DLG2: variants seen among roughly 807,000 people sequenced by gnomAD.
DLG2 encodes the protein discs large MAGUK scaffold protein 2.
Under a neutral mutation model 132.5 loss-of-function variants are expected in DLG2, and 45 were observed. The ratio of observed to expected loss-of-function variants is 0.34; its 90% CI spans 0.27 to 0.44. The LOEUF is 0.44. Ranked by LOEUF, DLG2 falls within the 20% of genes least tolerant of loss-of-function variation. The probability of loss-of-function intolerance (pLI) is 1.00; values close to 1 mark genes in which losing one functional copy is unlikely to be tolerated. For synonymous variants in DLG2, 424 were observed against 419.6 expected (o/e 1.01, Z -0.13); for missense variants, 1,045 against 1,196.9 (o/e 0.87, Z 1.87).
At chr11:85,546,405 C>T (rs112549887) in intron 3 of DLG2, among the ~76,000 whole-genome samples, 31,724 of 152,060 alleles carry the variant, frequency 0.21, 3,812 homozygotes, top group African/African-American at 0.31. Context: ...GAGTGTTTTA[C>T]TTCCAATTAT....
intron 19 of DLG2, among the ~76,000 whole-genome samples, chr11:83,559,534 T>G (rs1318759964): frequency 6.6e-6 from 1 of 152,202 alleles, no homozygotes; most frequent in African/African-American, 2.4e-5. Flanking sequence ...GAGACAGATT[T>G]AAGTTATTGG....
chr11:83,710,511 A>G (rs1287138321), intron 18 of DLG2, among the ~76,000 whole-genome samples: 1 of 152,186 alleles, frequency 6.6e-6, no homozygotes, highest in African/African-American at 2.4e-5. Flanking sequence ...GGATAATTTT[A>G]GTATAAGATA....
Position 83,786,746 on chromosome 11 carries a change from G to C in DLG2, c.1769C>G (p.Ala590Gly), listed in dbSNP as rs763656861. 2 of 1,614,170 alleles carry C rather than the reference G, an allele frequency of 1.2e-6. No homozygotes were observed. Among genetic ancestry groups the C allele is most frequent in the South Asian group, 2.2e-5 (2 of 91,086 alleles). ...LRGASHEQAA[A>G]ALKGAGQTVT... is the part of the protein sequence containing the mutation. The stretch of plus-strand genomic sequence containing the variant: ...TGTCTGTCCAGCCCCCTTTAGTGCA[G>C]CAGCTGCCTGCTCGTGGGATGCACC... Residue 590 changes from alanine to glycine, a missense_variant, in exon 18 of 28, where the codon GCT (alanine) becomes GGT (glycine). By Grantham distance (60) the Ala-to-Gly change is moderately conservative. Transcript: ENST00000376104.
At chr11:83,674,012 T>C (rs2077278282) in intron 18 of DLG2, among the ~76,000 whole-genome samples, 1 of 152,246 alleles carries the variant, frequency 6.6e-6, no homozygotes, top group Non-Finnish European at 1.5e-5. Context: ...AACATCTTAA[T>C]ACTTAGTTAC....
intron 6 of DLG2, among the ~76,000 whole-genome samples, chr11:84,719,759 T>C (rs973685301): frequency 3.9e-5 from 6 of 152,146 alleles, no homozygotes; most frequent in African/African-American, 4.8e-5. Flanking sequence ...TTCAAGTGGA[T>C]TGTATAAAAG....
intron 15 of DLG2, among the ~76,000 whole-genome samples, chr11:83,917,442 GAC>G (rs1179042232): frequency 6.6e-6 from 1 of 151,466 alleles, no homozygotes; most frequent in African/African-American, 2.4e-5. Context: ...ATCTGATATT[GAC>G]ACATGTTTAG....
chr11:83,590,827 G>A (rs1266186003), intron 19 of DLG2, among the ~76,000 whole-genome samples: 2 of 152,086 alleles, frequency 1.3e-5, no homozygotes, highest in African/African-American at 4.8e-5. Context: ...CGATCTCACA[G>A]AAATACAAAC....
At position 84,806,527 on chromosome 11, in the gene DLG2, A is replaced by G. The variant is rs553565682; in HGVS notation, c.358-271796T>C. Among the ~76,000 whole-genome samples the G allele has an allele frequency of 3.3e-5, 5 of 152,342 alleles. No homozygotes were observed. In the East Asian group the frequency reaches 7.7e-4, roughly 24 times the overall value. On this transcript the variant is annotated intron_variant, in intron 6 of 27. Coordinates refer to ENST00000376104, the MANE Select transcript of DLG2 (RefSeq NM_001142699.3). ...ATTTTAGAGGTTATATGGAAGTGAT[A>G]CAATATTTTCGACTGCTGAAAGAAA...
chr11:84,536,860 A>G (rs558488508), intron 6 of DLG2, among the ~76,000 whole-genome samples: 60 of 152,208 alleles, frequency 3.9e-4, no homozygotes, highest in African/African-American at 1.4e-3. Flanking sequence ...AACACTGTCC[A>G]TGTTCAGGAT....
intron 19 of DLG2, among the ~76,000 whole-genome samples, chr11:83,615,892 C>A (rs1269091044): frequency 6.6e-6 from 1 of 152,112 alleles, no homozygotes; most frequent in Non-Finnish European, 1.5e-5. Flanking sequence ...TCTGGTGAGA[C>A]CCATAGTGGA....
intron 16 of DLG2, among the ~76,000 whole-genome samples, chr11:83,844,405 G>A (rs1376441717): frequency 1.3e-5 from 2 of 151,540 alleles, no homozygotes; most frequent in African/African-American, 4.8e-5. Flanking sequence ...AAAATTAGCT[G>A]GGCATGGTGG....
intron 3 of DLG2, among the ~76,000 whole-genome samples, chr11:85,326,203 ATAT>A (rs1447714070): frequency 9.5e-6 from 1 of 105,478 alleles, no homozygotes; most frequent in Non-Finnish European, 1.9e-5. Context: ...ACTCTGCAGG[ATAT>A]TATCCAGGAG....
intron 6 of DLG2, among the ~76,000 whole-genome samples, chr11:84,982,436 T>C (rs889276687): frequency 1.3e-5 from 2 of 152,162 alleles, no homozygotes; most frequent in Non-Finnish European, 2.9e-5. Context: ...TTTTCACATG[T>C]TCTCCTCCTT....
intron 18 of DLG2, among the ~76,000 whole-genome samples, chr11:83,703,197 G>T (rs2083271184): frequency 1.3e-5 from 2 of 152,054 alleles, no homozygotes; most frequent in South Asian, 4.1e-4. Flanking sequence ...GAATATAAAG[G>T]GAATCTCTCT....
intron 6 of DLG2, among the ~76,000 whole-genome samples, chr11:84,573,807 A>G (rs1040088541): frequency 6.6e-6 from 1 of 152,180 alleles, no homozygotes; most frequent in Non-Finnish European, 1.5e-5. Flanking sequence ...GCATTTCTTC[A>G]TAGTAAAAAT....
chr11:84,433,316 G>A (rs992067970), intron 7 of DLG2, among the ~76,000 whole-genome samples: 6 of 152,124 alleles, frequency 3.9e-5, no homozygotes, highest in South Asian at 2.1e-4. Context: ...ATATTACTAC[G>A]TAACCAGAAA....
chr11:83,815,976 G>C (rs2048778857), intron 17 of DLG2, among the ~76,000 whole-genome samples: 1 of 152,118 alleles, frequency 6.6e-6, no homozygotes, highest in Non-Finnish European at 1.5e-5. Context: ...GACCCACTCT[G>C]GCTCCTGAGC....
At position 83,484,162 on chromosome 11, in the gene DLG2, C is replaced by G; in HGVS notation, c.2260G>C (p.Glu754Gln). The G allele has an allele frequency of 6.2e-7, 1 of 1,613,416 alleles. No individual in the cohort carries two copies. Among genetic ancestry groups the G allele is most frequent in the Non-Finnish European group, 8.5e-7 (1 of 1,179,562 alleles). Residue 754 changes from glutamate (E) to glutamine (Q), a missense_variant, in exon 22 of 28, where the codon GAG becomes CAG. Coordinates refer to ENST00000376104, the MANE Select transcript of DLG2 (RefSeq NM_001142699.3). The stretch of plus-strand genomic sequence containing the variant: ...TCACTGGTTTCCTGCTCACTCTGCT[C>G]CTTGTTCTTGTAGAATGGGAATTTT... ...SRKFPFYKNK[E>Q]QSEQETSDPE...
At chr11:83,779,825 T>C (rs1368754808) in intron 18 of DLG2, among the ~76,000 whole-genome samples, 1 of 152,206 alleles carries the variant, frequency 6.6e-6, no homozygotes, top group African/African-American at 2.4e-5. Context: ...CGTGCATTCA[T>C]TTCTCCTTAT....
Sources: allele counts gnomAD v4.1 joint callset (sites outside exome capture counted in the v4.1 genomes callset), GRCh38; gene constraint gnomAD v4.1.1; transcripts MANE v1.5; gene names NCBI Gene and HGNC (gene_info 2026-07-23, HGNC 2026-07-21).